The following DNAH3 variants were observed in gnomAD, a reference collection of about 807,000 sequenced individuals.
DNAH3 encodes dynein axonemal heavy chain 3.
DNAH3 carries 332 observed loss-of-function variants against 432.5 expected under a neutral mutation model. The ratio of observed to expected loss-of-function variants is 0.77; its 90% CI spans 0.70 to 0.84. The LOEUF is 0.84. DNAH3 is among the 40% of genes least tolerant of loss of function. DNAH3 has a pLI of 0.00. For synonymous variants in DNAH3, 1,956 were observed against 1,900.2 expected (o/e 1.03, Z -0.76); for missense variants, 4,861 against 5,114.0 (o/e 0.95, Z 1.51).
At chr16:21,146,485 C>T (rs1355314595) in intron 1 of DNAH3, among the ~76,000 whole-genome samples, 1 of 152,028 alleles carries the variant, frequency 6.6e-6, no homozygotes, top group African/African-American at 2.4e-5. Flanking sequence ...GAACCTGGGA[C>T]GCGGAGGTTG....
At chr16:21,159,444 C>T (rs769547517), upstream of DNAH3, 11 of 1,613,526 alleles carry the variant, frequency 6.8e-6, no homozygotes, top group Admixed American at 3.3e-5. Flanking sequence ...GCTCCCATCC[C>T]CCAACCAGAG....
chr16:21,079,422 G>A (rs541320206), intron 20 of DNAH3, among the ~76,000 whole-genome samples: 23 of 152,002 alleles, frequency 1.5e-4, no homozygotes, highest in Non-Finnish European at 2.8e-4. Context: ...TCAGGAGTTC[G>A]AGACCAGCCT....
chr16:21,066,146 A>G (rs562674934), intron 24 of DNAH3, among the ~76,000 whole-genome samples: 2 of 151,954 alleles, frequency 1.3e-5, no homozygotes, highest in East Asian at 3.9e-4. Flanking sequence ...GTTTCTAACA[A>G]ATCATTTTTT....
Position 21,098,690 on chromosome 16 carries a change from C to T in DNAH3, c.2446G>A (p.Glu816Lys), listed in dbSNP as rs753537224. 7 of 1,613,862 alleles carry T rather than the reference C, an allele frequency of 4.3e-6. No individual in the cohort carries two copies. The highest frequency in any genetic ancestry group is 5.1e-6 in the Non-Finnish European group (6 of 1,179,972). The change falls in exon 17 of 62, where the codon GAA becomes AAA. Residue 816 changes from glutamate (E) to lysine (K), a missense_variant. By Grantham distance (56) the Glu-to-Lys change is moderately conservative. Transcript: ENST00000261383. Reference sequence around the variant, plus strand: ...TTTTCAACATTGTGCTTCATTTCTTCTGTAGTCATCACTTCGCGCTTCCTA... The same window carrying T: ...TTTTCAACATTGTGCTTCATTTCTTTTGTAGTCATCACTTCGCGCTTCCTA...
exon 51 of DNAH3, chr16:20,975,373 G>A: frequency 6.2e-7 from 1 of 1,614,200 alleles, no homozygotes; most frequent in South Asian, 1.1e-5. Context: ...GTGAGGATGA[G>A]TTGAGGTTGA....
At chr16:20,965,772 G>A (rs1183892011) in intron 52 of DNAH3, among the ~76,000 whole-genome samples, 1 of 152,110 alleles carries the variant, frequency 6.6e-6, no homozygotes, top group Non-Finnish European at 1.5e-5. Flanking sequence ...GAGTTCAGTG[G>A]CACGATCTTG....
At chr16:21,129,973 T>G (rs2092523750) in intron 7 of DNAH3, 1 of 151,264 alleles carries the variant, frequency 6.6e-6, no homozygotes, top group South Asian at 2.1e-4. Context: ...TTGTCTGTTT[T>G]CCCCCTAGAA....
exon 34 of DNAH3, chr16:21,037,936 T>C: frequency 6.2e-7 from 1 of 1,614,188 alleles, no homozygotes. Context: ...AGAGGACAGT[T>C]GTTCCGAGCA....
intron 27 of DNAH3, among the ~76,000 whole-genome samples, chr16:21,056,254 T>C (rs974218846): frequency 2.6e-5 from 4 of 152,154 alleles, no homozygotes; most frequent in Non-Finnish European, 5.9e-5. Context: ...TCCCTCCTAT[T>C]TTCTGCTCAG....
intron 51 of DNAH3, among the ~76,000 whole-genome samples, chr16:20,972,478 T>C (rs1464884554): frequency 6.6e-6 from 1 of 152,136 alleles, no homozygotes; most frequent in Non-Finnish European, 1.5e-5. Context: ...CCTCAAGCCA[T>C]CCTCCTGCCT....
chr16:21,069,826 C>T (rs747395359), intron 22 of DNAH3, among the ~76,000 whole-genome samples: 2 of 152,168 alleles, frequency 1.3e-5, no homozygotes, highest in African/African-American at 2.4e-5. Flanking sequence ...CACGTCCTAG[C>T]AGAATAATTA....
intron 4 of DNAH3, 152 bp downstream of exon 5, chr16:21,141,148 A>AT: frequency 4.6e-6 from 3 of 651,996 alleles, no homozygotes; most frequent in Admixed American, 3.2e-5. Flanking sequence ...CAAAAAAAAA[A>AT]ATTTTTTTTT....
chr16:20,963,522 C>T lies in DNAH3; in HGVS notation c.10362G>A (p.Trp3454Ter). The change falls in exon 53 of 62, where the codon TGG becomes TGA. Residue 3454 changes from tryptophan to a stop codon, truncating the protein, a stop_gained. Coordinates refer to ENST00000261383, the Ensembl canonical transcript of DNAH3. LOFTEE classifies it high-confidence loss of function. ...ACCCAGGGAGTTGCTCCTCATGGGG[C>T]CAGGCCGAGTCATAGATCAGCTTCC... 6.2e-7 allele frequency: 1 copy of T among 1,613,946 alleles called. No individual in the cohort carries two copies. The highest frequency in any genetic ancestry group is 8.5e-7 in the Non-Finnish European group (1 of 1,179,912).
chr16:21,003,273 G>A, intron 41 of DNAH3, 66 bp from the exon 42 acceptor site: 2 of 1,057,362 alleles, frequency 1.9e-6, no homozygotes, highest in Non-Finnish European at 2.8e-6. Context: ...CATATTTGAG[G>A]ATTTTAAGTC....
At chr16:21,158,970 C>G (rs1345920254) in intron 1 of DNAH3, among the ~76,000 whole-genome samples, 1 of 151,898 alleles carries the variant, frequency 6.6e-6, no homozygotes, top group African/African-American at 2.4e-5. Flanking sequence ...TCCTCCCCAC[C>G]CCTAAATGCA....
exon 35 of DNAH3, chr16:21,036,741 T>C (rs202213433): frequency 6.2e-7 from 1 of 1,614,140 alleles, no homozygotes; most frequent in African/African-American, 1.3e-5. Flanking sequence ...TAAACCAAGG[T>C]ACTGGCTGGA....
chr16:20,983,391 G>C (rs1270420152), intron 48 of DNAH3, among the ~76,000 whole-genome samples: 1 of 152,148 alleles, frequency 6.6e-6, no homozygotes, highest in African/African-American at 2.4e-5. Flanking sequence ...CTCCCAAAGT[G>C]CTGGGATTAC....
rs374707370 is a variant in DNAH3, at chr16:21,110,220, G to A, written c.2099+1406C>T. Among the ~76,000 whole-genome samples the A allele has an allele frequency of 3.9e-4, 60 of 152,182 alleles. 1 individual carries two copies. In the East Asian group the frequency reaches 5.4e-3, roughly 14 times the overall value. On this transcript the variant is annotated intron_variant, in intron 14 of 61. Coordinates refer to ENST00000261383, the Ensembl canonical transcript of DNAH3. Reference sequence around the variant, plus strand: ...TCTGTAACAACACCTATGTATTATCGGGGACCCCCACCCCTTTCAGCTCAT... The same window carrying A: ...TCTGTAACAACACCTATGTATTATCAGGGACCCCCACCCCTTTCAGCTCAT...
In DNAH3 at chr16:20,935,490, A is replaced by G. The variant is rs1478640024; in HGVS notation, c.11860-5T>C. 6.2e-7 allele frequency: 1 copy of G among 1,609,472 alleles called. No homozygotes were observed. Among genetic ancestry groups the G allele is most frequent in the Non-Finnish European group, 8.5e-7 (1 of 1,179,060 alleles). ...GGGCCCCTTGTCAATCCATTCCTGG[A>G]GAGCCACAGAAATCAAGATTCAAAA... On this transcript the variant is annotated splice_region_variant and splice_polypyrimidine_tract_variant and intron_variant, in intron 60 of 61. Coordinates refer to ENST00000261383, the Ensembl canonical transcript of DNAH3.
Sources: gnomAD v4.1 joint callset for allele counts (sites outside exome capture counted in the v4.1 genomes callset) on GRCh38, gnomAD v4.1.1 for gene constraint, MANE v1.5 for transcripts, NCBI Gene and HGNC (gene_info 2026-07-23, HGNC 2026-07-21) for gene names.